LRCH3: variants seen among roughly 807,000 people sequenced by gnomAD.
The protein encoded by LRCH3 is leucine rich repeats and calponin homology domain containing 3.
In LRCH3, 68 loss-of-function variants were observed where a neutral mutation model predicts 104.5. The ratio of observed to expected loss-of-function variants is 0.65; its 90% confidence interval spans 0.54 to 0.80. LRCH3 has a LOEUF of 0.80. Among genes scored for constraint, LRCH3 ranks in the 30% least tolerant of loss-of-function variants. The pLI is 0.00. For missense variants in LRCH3, 951 were observed against 953.9 expected, an observed-to-expected ratio of 1.00 and a Z score of 0.04; for synonymous variants, 344 against 361.3, an observed-to-expected ratio of 0.95 and a Z score of 0.54.
chr3:197,819,098 C>T lies in LRCH3; in HGVS notation c.535-1227C>T, dbSNP rs1280830759. On this transcript the variant is annotated intron_variant, in intron 3 of 20. Transcript: ENST00000425562. ...CCGAGATCACACCACTGCACTCCAG[C>T]CTGGGCAACAGAGTGAGATTCCGTC... 1.3e-5 allele frequency among the ~76,000 whole-genome samples: 2 copies of T among 151,278 alleles called. 1 individual carries two copies. Among genetic ancestry groups the T allele is most frequent in the South Asian group, 4.2e-4 (2 of 4,792 alleles).
chr3:197,798,045 T>C (rs1305383155), intron 1 of LRCH3, among the ~76,000 whole-genome samples: 2 of 152,000 alleles, frequency 1.3e-5, no homozygotes, highest in African/African-American at 4.8e-5. Flanking sequence ...GTGGATCACT[T>C]GAGCCCAGGA....
intron 2 of LRCH3, among the ~76,000 whole-genome samples, chr3:197,816,477 G>A (rs1451527337): frequency 1.3e-5 from 2 of 151,946 alleles, no homozygotes; most frequent in African/African-American, 4.8e-5. Context: ...ACGGGGTTTC[G>A]CCATGTTGGC....
chr3:197,814,187 A>G lies in LRCH3; in HGVS notation c.263-721A>G, dbSNP rs1479762575. 2.6e-5 allele frequency among the ~76,000 whole-genome samples: 4 copies of G among 152,354 alleles called. No homozygotes were observed. In the East Asian group the frequency reaches 7.7e-4, roughly 29 times the overall value. ...GTTCCACATGGCTGGGAAGCCTCAG[A>G]ATCATGGCGGGAGGCAAAAGGCACT... On this transcript the variant is annotated intron_variant, in intron 1 of 20. Transcript: ENST00000425562.
chr3:197,810,151 T>C lies in LRCH3; in HGVS notation c.263-4757T>C, dbSNP rs115382819. On this transcript the variant is annotated intron_variant, in intron 1 of 20. Coordinates refer to ENST00000425562, the MANE Select transcript of LRCH3 (RefSeq NM_001365715.1). The surrounding 1 kb of genome is among the most constrained non-coding windows in gnomAD (Gnocchi z 4.0). ...TTGCTAAGCTACCCTTTCCTGGTGCTTTATTATTATTTTGTTATTTTTATT... is the reference window on the plus strand; with the variant it reads ...TTGCTAAGCTACCCTTTCCTGGTGCCTTATTATTATTTTGTTATTTTTATT... Among the ~76,000 whole-genome samples, 111 of 152,200 alleles carry C rather than the reference T, an allele frequency of 7.3e-4. No homozygotes were observed. The highest frequency in any genetic ancestry group is 2.6e-3 in the African/African-American group (109 of 41,550).
intron 10 of LRCH3, among the ~76,000 whole-genome samples, chr3:197,844,108 G>A (rs929938870): frequency 1.8e-4 from 28 of 152,288 alleles, no homozygotes; most frequent in Admixed American, 1.6e-3. Flanking sequence ...AACGTTCTAG[G>A]TAGAGGTTCT....
chr3:197,799,524 G>T (rs1731632661), intron 1 of LRCH3, among the ~76,000 whole-genome samples: 1 of 152,074 alleles, frequency 6.6e-6, no homozygotes, highest in African/African-American at 2.4e-5. Flanking sequence ...ATTTAAACTG[G>T]TTTAACTGAT....
chr3:197,878,276 A>G (rs538676475), intron 20 of LRCH3, among the ~76,000 whole-genome samples: 1 of 152,188 alleles, frequency 6.6e-6, no homozygotes, highest in Admixed American at 6.5e-5. Context: ...TCTGAGATTT[A>G]AAGTCCGTAC....
chr3:197,807,659 CCTTT>C (rs914251031), intron 1 of LRCH3, among the ~76,000 whole-genome samples: 100 of 152,178 alleles, frequency 6.6e-4, no homozygotes, highest in Middle Eastern at 6.8e-3. Flanking sequence ...CCTTTGTTTT[CCTTT>C]CTGTGTTCTT....
chr3:197,809,296 TAAA>T (rs750411453), intron 1 of LRCH3, among the ~76,000 whole-genome samples: 1 of 141,290 alleles, frequency 7.1e-6, no homozygotes, highest in Admixed American at 7.1e-5. Context: ...AGACCCTGTC[TAAA>T]AAAAAAAAAA....
At chr3:197,834,932 C>T (rs547692679) in intron 8 of LRCH3, among the ~76,000 whole-genome samples, 51 of 152,124 alleles carry the variant, frequency 3.4e-4, no homozygotes, top group Admixed American at 7.9e-4. Context: ...TCGCTTGAGC[C>T]CAGGAGTTGG....
At chr3:197,860,453 C>A (rs1268050845) in intron 15 of LRCH3, among the ~76,000 whole-genome samples, 1 of 152,102 alleles carries the variant, frequency 6.6e-6, no homozygotes, top group Non-Finnish European at 1.5e-5. Context: ...ACCTGTAATC[C>A]CAGTGTTGGT....
intron 20 of LRCH3, among the ~76,000 whole-genome samples, chr3:197,879,508 T>A (rs4525915): frequency 6.6e-5 from 10 of 150,522 alleles, no homozygotes; most frequent in Admixed American, 4.6e-4. Context: ...TAGCCGGGCG[T>A]GGTGGCGGGC....
At chr3:197,792,577 T>TATATATATATATATATATATA (rs1730660774) in intron 1 of LRCH3, among the ~76,000 whole-genome samples, 3 of 20,344 alleles carry the variant, frequency 1.5e-4, no homozygotes, top group African/African-American at 3.5e-4. Context: ...CCAGCTAATT[T>TATATATATATATATATATATA]TATATATATA....
intron 3 of LRCH3, among the ~76,000 whole-genome samples, chr3:197,819,725 GA>G (rs900159323): frequency 0.012 from 1,672 of 144,990 alleles, 29 homozygotes; most frequent in African/African-American, 0.04. Flanking sequence ...TCAAAAAAAA[GA>G]AAAAAAAAAG....
chr3:197,829,847 C>G (rs888525085), intron 6 of LRCH3, among the ~76,000 whole-genome samples, 174 bp downstream of exon 6: 7 of 152,212 alleles, frequency 4.6e-5, no homozygotes, highest in African/African-American at 1.7e-4. Flanking sequence ...AAGTCTAGTT[C>G]TAAGGGTTTC....
chr3:197,880,165 T>G (rs2109573760), intron 20 of LRCH3, among the ~76,000 whole-genome samples: 2 of 151,914 alleles, frequency 1.3e-5, no homozygotes, highest in Admixed American at 6.5e-5. Context: ...CGGGATGGTC[T>G]CGATCTCCTG....
chr3:197,843,544 C>T (rs1013982663), intron 10 of LRCH3, among the ~76,000 whole-genome samples: 3 of 151,982 alleles, frequency 2.0e-5, no homozygotes, highest in Non-Finnish European at 2.9e-5. Context: ...ATTAGTTGGG[C>T]GTGGTGGCAT....
Position 197,813,510 on chromosome 3 carries a change from ATTTTTTTTTTTTTTTTTT to A in LRCH3, c.263-1377_263-1360del, listed in dbSNP as rs57062885. 9.2e-4 allele frequency among the ~76,000 whole-genome samples: 61 copies of A among 66,064 alleles called. 3 individuals are homozygous for A. Among genetic ancestry groups the A allele is most frequent in the East Asian group, 8.9e-3 (15 of 1,692 alleles). The allele number at this position is 66,064 out of a possible 152,430, so 43.3% of individuals were successfully genotyped here. On this transcript the variant is annotated intron_variant, in intron 1 of 20. Coordinates refer to ENST00000425562, the MANE Select transcript of LRCH3 (RefSeq NM_001365715.1). ...CCGTTCTTCTAATGGGAGGCATATA[ATTTTTTTTTTTTTTTTTT>A]TTTTTTTTTTTTTTTTTTTTGAGAT... is the stretch of plus-strand genomic sequence containing the variant.
At chr3:197,878,661 T>G (rs114820623) in intron 20 of LRCH3, among the ~76,000 whole-genome samples, 2,195 of 152,298 alleles carry the variant, frequency 0.014, 29 homozygotes, top group Non-Finnish European at 0.022. Flanking sequence ...AAGCTGCTAC[T>G]TCTGCTGAAA....
Sources: gnomAD v4.1 joint callset for allele counts (sites outside exome capture counted in the v4.1 genomes callset) on GRCh38, gnomAD v4.1.1 for gene constraint, Gnocchi (gnomAD v3.1) non-coding constraint, MANE v1.5 for transcripts, NCBI Gene and HGNC (gene_info 2026-07-23, HGNC 2026-07-21) for gene names.